Variants in ANO8 observed in about 807,000 individuals in gnomAD.
The protein encoded by ANO8 is anoctamin 8, also known as anoctamin-8.
A neutral mutation model predicts 120.4 loss-of-function variants in ANO8; 67 were observed. That is an observed-to-expected ratio of 0.56 (90% CI 0.46 to 0.68). The LOEUF is 0.68. Among genes scored for constraint, ANO8 ranks in the 30% least tolerant of loss-of-function variants. The pLI, the probability that ANO8 is intolerant of heterozygous loss-of-function variation, is 0.00. For synonymous variants in ANO8, 727 were observed against 759.2 expected (o/e 0.96, Z 0.70); for missense variants, 1,526 against 1,737.6 (o/e 0.88, Z 2.16).
rs762645529 is a variant in ANO8, at chr19:17,330,341, T to TG, written c.1146+10dup. Reference sequence around the variant, plus strand: ...ACCAAGGACAGGGCGGGTGAGGGTATGGGGGGTCACCTGCAGCTGGAAGCA... The same window carrying TG: ...ACCAAGGACAGGGCGGGTGAGGGTATGGGGGGGTCACCTGCAGCTGGAAGCA... On this transcript the variant is annotated intron_variant, in intron 9 of 17. Coordinates refer to ENST00000159087, the MANE Select transcript of ANO8 (RefSeq NM_020959.3). 25 of 1,605,754 alleles carry TG rather than the reference T, an allele frequency of 1.6e-5. No homozygotes were observed. In the Admixed American group the frequency reaches 1.9e-4, roughly 12 times the overall value.
chr19:17,328,933 C>A lies in ANO8; in HGVS notation c.1455G>T (p.Glu485Asp). The A allele has an allele frequency of 6.6e-7, 1 of 1,511,242 alleles. No homozygotes were observed. Among genetic ancestry groups the A allele is most frequent in the Non-Finnish European group, 8.8e-7 (1 of 1,132,168 alleles). The allele number at this position is 1,511,242 out of a possible 1,614,324, so 93.6% of individuals were successfully genotyped here. A position where few individuals can be genotyped will look rare whatever the true frequency, so the allele number is the denominator to read the frequency against. The change falls in exon 13 of 18, where the codon GAG becomes GAT. Residue 485 changes from glutamate (E) to aspartate (D), a missense_variant. This residue lies in a region of ANO8 where 467 missense variants were observed against 425.8 expected (regional missense o/e 1.10). Transcript: ENST00000159087. ...GCCGGTACAGGTGCGGCTGCAGGAC[C>A]TCGCGCACGTTCTGGAGGAACTGGC... Reference protein sequence around the residue: ...ITRQFLQNVREVLQPHLYRRL... With the variant: ...ITRQFLQNVRDVLQPHLYRRL...
chr19:17,323,846 TGCGGAGGGC>T lies in ANO8; in HGVS notation c.3361_3369del (p.Ala1121_Arg1123del), dbSNP rs2074255286. 2 of 1,124,310 alleles carry T rather than the reference TGCGGAGGGC, an allele frequency of 1.8e-6. No homozygotes were observed. Among genetic ancestry groups the T allele is most frequent in the African/African-American group, 1.7e-5 (1 of 59,566 alleles). 69.6% of individuals were successfully genotyped at this position (1,124,310 alleles called of 1,614,324 possible). On this transcript the variant is annotated inframe_deletion, in exon 18 of 18. Coordinates refer to ENST00000159087, the MANE Select transcript of ANO8 (RefSeq NM_020959.3). ...GGCGCGGGGCTCCGGCTGCGGCGGG[TGCGGAGGGC>T]AGGGGCGCCCACGGGGGCCAGCGCT...
Position 17,333,805 on chromosome 19 carries a change from G to C in ANO8, c.107-5C>G, listed in dbSNP as rs1265554311. ...GCCGCTTTCCGAAAAGCTTATCTAG[G>C]GGGCGGCGTAGCAGGCCCGGGTCAG... On this transcript the variant is annotated splice_polypyrimidine_tract_variant and splice_region_variant and intron_variant, in intron 1 of 17. Coordinates refer to ENST00000159087, the MANE Select transcript of ANO8 (RefSeq NM_020959.3). This position sits in a 1 kb window ranked among gnomAD's most constrained non-coding sequence, Gnocchi z 7.2. 7 of 1,583,364 alleles carry C rather than the reference G, an allele frequency of 4.4e-6. No homozygotes were observed. The South Asian group carries it at 6.9e-5, about 16-fold the overall frequency.
Position 17,328,746 on chromosome 19 carries a change from C to G in ANO8, c.1642G>C (p.Gly548Arg). 7.5e-7 allele frequency: 1 copy of G among 1,342,272 alleles called. No homozygotes were observed. Among genetic ancestry groups the G allele is most frequent in the Non-Finnish European group, 9.5e-7 (1 of 1,051,986 alleles). The allele number at this position is 1,342,272 out of a possible 1,614,324, so 83.1% of individuals were successfully genotyped here. ...SGGGGRRCLS[G>R]GCGAPEEEEE... is the part of the protein sequence containing the mutation. ...TCCTCCTCCGGCGCCCCGCAGCCCC[C>G]GCTGAGGCACCTGCGGCCCCCGCCC... The change falls in exon 13 of 18, where the codon GGG becomes CGG. Residue 548 changes from glycine to arginine, a missense_variant. Transcript: ENST00000159087.
At position 17,323,312 on chromosome 19, in the gene ANO8, T is replaced by TGC. The variant is rs1491414813; in HGVS notation, c.*204_*205insGC. On this transcript the variant is annotated 3_prime_UTR_variant, in exon 18 of 18. Coordinates refer to ENST00000159087, the MANE Select transcript of ANO8 (RefSeq NM_020959.3). ...AAAACAAATAAATAATCGCCTGTTC[T>TGC]GTGTGTGTGTGTGTGTGTGTGTGTG... The TGC allele has an allele frequency of 2.0e-5, 2 of 99,046 alleles. No homozygotes were observed. Among genetic ancestry groups the TGC allele is most frequent in the African/African-American group, 6.2e-4 (2 of 3,204 alleles). 6.1% of individuals were successfully genotyped at this position (99,046 alleles called of 1,614,324 possible). A position where few individuals can be genotyped will look rare whatever the true frequency, so the allele number is the denominator to read the frequency against.
intron 16 of ANO8, among the ~76,000 whole-genome samples, chr19:17,326,402 A>G (rs2074273863): frequency 6.6e-6 from 1 of 152,138 alleles, no homozygotes. Context: ...TTTGGGAGGC[A>G]TGAGAATTGC....
At chr19:17,327,121 C>A in intron 16 of ANO8, 114 bp downstream of exon 16, 2 of 936,348 alleles carry the variant, frequency 2.1e-6, no homozygotes, top group Non-Finnish European at 3.2e-6. Context: ...ATTATTATAC[C>A]CAGCTCTGTG....
Position 17,331,356 on chromosome 19 carries a change from C to T in ANO8, c.642G>A (p.Gln214=). Residue 214 remains glutamine (Q), a synonymous_variant, in exon 6 of 18, where the codon CAG becomes CAA. Coordinates refer to ENST00000159087, the MANE Select transcript of ANO8 (RefSeq NM_020959.3). ...ACTTCATGAGGCGGTTCAGAATACG[C>T]TGCTCGTGGACAGGGAACACCTGCT... ...IIQQVFPVHE[Q]RILNRLMKSW... is the part of the protein sequence containing the mutation. 1 of 1,614,112 alleles carries T rather than the reference C, an allele frequency of 6.2e-7. No homozygotes were observed. Among genetic ancestry groups the T allele is most frequent in the South Asian group, 1.1e-5 (1 of 91,088 alleles).
Position 17,328,285 on chromosome 19 carries a change from G to A in ANO8, c.2103C>T (p.Ser701=). The change falls in exon 13 of 18, where the codon TCC becomes TCT. Residue 701 remains serine (S), a synonymous_variant. Transcript: ENST00000159087. ...PDGGPDPEPG[S]NSDSTRRQRR... ...TCTGCCTACGGGTCGAATCGCTGTT[G>A]GAGCCGGGTTCCGGGTCCGGGCCCC... 1 of 1,607,908 alleles carries A rather than the reference G, an allele frequency of 6.2e-7. No homozygotes were observed. The highest frequency in any genetic ancestry group is 8.5e-7 in the Non-Finnish European group (1 of 1,177,994).
At chr19:17,329,337 G>T in intron 12 of ANO8, 1 of 334,632 alleles carries the variant, frequency 3.0e-6, no homozygotes, top group Admixed American at 4.7e-5. Context: ...CCCTCAGCTC[G>T]GCGCGCCAGG....
rs558788957 is a variant in ANO8, at chr19:17,327,605, C to T, written c.2419-36G>A. 5.0e-6 allele frequency: 8 copies of T among 1,611,048 alleles called. No individual in the cohort carries two copies. In the African/African-American group the frequency reaches 9.3e-5, roughly 19 times the overall value. ...GCAGGAGGGCTCAGGCGGGGTCCAG[C>T]CGGCCTCCCCAGACCCCAGGCTCCT... On this transcript the variant is annotated intron_variant, in intron 14 of 17. Transcript: ENST00000159087.
chr19:17,330,744 A>G, intron 8 of ANO8, 84 bp downstream of exon 8: 1 of 1,514,496 alleles, frequency 6.6e-7, no homozygotes, highest in Middle Eastern at 1.8e-4. Context: ...CCTGTTTCAC[A>G]CCTCTCTGCC....
chr19:17,330,347 G>A lies in ANO8; in HGVS notation c.1146+5C>T. ...GACAGGGCGGGTGAGGGTATGGGGG[G>A]TCACCTGCAGCTGGAAGCAGCCAAG... On this transcript the variant is annotated splice_donor_5th_base_variant and intron_variant, in intron 9 of 17. Coordinates refer to ENST00000159087, the MANE Select transcript of ANO8 (RefSeq NM_020959.3). 6.2e-7 allele frequency: 1 copy of A among 1,603,052 alleles called. No individual in the cohort carries two copies. The highest frequency in any genetic ancestry group is 8.5e-7 in the Non-Finnish European group (1 of 1,173,830).
Position 17,334,762 on chromosome 19 carries a change from AGG to A in ANO8, c.-94_-93del. ...CCGGTGCAGCCGCGGAGCGCGCGGGAGGAGGAGACAAAGGCCGCGCCCGCCCG... is the reference window on the plus strand; with the variant it reads ...CCGGTGCAGCCGCGGAGCGCGCGGGAAGGAGACAAAGGCCGCGCCCGCCCG... On this transcript the variant is annotated 5_prime_UTR_variant, in exon 1 of 18. Coordinates refer to ENST00000159087, the MANE Select transcript of ANO8 (RefSeq NM_020959.3). 4 of 1,207,518 alleles carry A rather than the reference AGG, an allele frequency of 3.3e-6. 1 individual carries two copies. Among genetic ancestry groups the A allele is most frequent in the Non-Finnish European group, 4.3e-6 (4 of 923,050 alleles). The allele number at this position is 1,207,518 out of a possible 1,614,324, so 74.8% of individuals were successfully genotyped here.
Position 17,325,269 on chromosome 19 carries a change from G to A in ANO8, c.2779C>T (p.Arg927Ter), listed in dbSNP as rs370835210. ...GAGCCCTCGGCCCTCGCCTCCTCTCGGCCACCAGAATCATGCTCCCGCCGG... is the reference window on the plus strand; with the variant it reads ...GAGCCCTCGGCCCTCGCCTCCTCTCAGCCACCAGAATCATGCTCCCGCCGG... ...HARREHDSGG[R>*]EEARAEGSGL... The change falls in exon 17 of 18, where the codon CGA (arginine) becomes TGA (stop). Residue 927 changes from arginine to a stop codon, truncating the protein, a stop_gained. Coordinates refer to ENST00000159087, the MANE Select transcript of ANO8 (RefSeq NM_020959.3). LOFTEE classifies it high-confidence loss of function. 6.2e-7 allele frequency: 1 copy of A among 1,608,200 alleles called. No individual in the cohort carries two copies. Among genetic ancestry groups the A allele is most frequent in the Non-Finnish European group, 8.5e-7 (1 of 1,179,810 alleles).
intron 16 of ANO8, 25 bp from the exon 17 acceptor site, chr19:17,325,411 A>G (rs2145683949): frequency 6.5e-7 from 1 of 1,549,528 alleles, no homozygotes; most frequent in Non-Finnish European, 8.7e-7. Context: ...AAGCCGTTAC[A>G]GGACTAAGAA....
At chr19:17,324,660 C>A in intron 17 of ANO8, 57 bp downstream of exon 17, 1 of 1,512,240 alleles carries the variant, frequency 6.6e-7, no homozygotes, top group Non-Finnish European at 8.8e-7. Flanking sequence ...GCCTGGCCAC[C>A]CTACCCTATC....
intron 16 of ANO8, among the ~76,000 whole-genome samples, chr19:17,326,130 C>G (rs2074272498): frequency 6.6e-6 from 1 of 152,208 alleles, no homozygotes; most frequent in Non-Finnish European, 1.5e-5. Context: ...GTGTGCCAGA[C>G]AGCGTCTTAG....
chr19:17,327,600 T>A (rs1599545059), intron 14 of ANO8, 31 bp from the exon 15 acceptor site: 1 of 1,611,354 alleles, frequency 6.2e-7, no homozygotes, highest in Non-Finnish European at 8.5e-7. Flanking sequence ...TCAGGCGGGG[T>A]CCAGCCGGCC....
Sources: allele counts gnomAD v4.1 joint callset (sites outside exome capture counted in the v4.1 genomes callset), GRCh38; gene constraint gnomAD v4.1.1; regional missense constraint gnomAD v4.1.1; non-coding constraint Gnocchi (gnomAD v3.1); transcripts MANE v1.5; gene names NCBI Gene and HGNC (gene_info 2026-07-23, HGNC 2026-07-21).